Variants in SOX5 observed in about 807,000 individuals in gnomAD.
SOX5 encodes SRY-box transcription factor 5.
Under a neutral mutation model 92.0 loss-of-function variants are expected in SOX5, and 9 were observed. The observed-to-expected ratio is 0.10, with a 90% CI of 0.06 to 0.17. The LOEUF is 0.17. Among genes scored for constraint, SOX5 ranks in the 10% least tolerant of loss-of-function variants. SOX5 has a pLI of 1.00. For synonymous variants in SOX5, 344 were observed against 336.3 expected (o/e 1.02, Z -0.25); for missense variants, 642 against 944.5 (o/e 0.68, Z 4.20).
chr12:23,659,992 AC>A (rs2082826968), intron 7 of SOX5, among the ~76,000 whole-genome samples: 1 of 151,998 alleles, frequency 6.6e-6, no homozygotes, highest in African/African-American at 2.4e-5. Context: ...AAAGTTTAAA[AC>A]TTGGTGATTA....
At chr12:24,326,213 C>G (rs1025263289) in intron 2 of SOX5, among the ~76,000 whole-genome samples, 3 of 152,112 alleles carry the variant, frequency 2.0e-5, no homozygotes, top group Non-Finnish European at 2.9e-5. Context: ...AAGAAAAATC[C>G]TCCATCATAT....
intron 2 of SOX5, among the ~76,000 whole-genome samples, chr12:23,892,496 G>A (rs2097138838): frequency 6.6e-6 from 1 of 152,158 alleles, no homozygotes; most frequent in African/African-American, 2.4e-5. Context: ...TAAATCCTAT[G>A]TGCAACAGAG....
chr12:23,734,319 T>C (rs554163580), intron 6 of SOX5, among the ~76,000 whole-genome samples: 3 of 152,328 alleles, frequency 2.0e-5, no homozygotes, highest in Non-Finnish European at 2.9e-5. Context: ...CTGGTACTAC[T>C]TCTCTAACTG....
intron 6 of SOX5, among the ~76,000 whole-genome samples, chr12:23,683,899 C>T (rs1471900159): frequency 6.6e-6 from 1 of 151,582 alleles, no homozygotes; most frequent in East Asian, 1.9e-4. Flanking sequence ...TTCAGACAAG[C>T]CCATAGAGTT....
At chr12:24,137,019 G>A (rs1350273304) in intron 4 of SOX5, among the ~76,000 whole-genome samples, 1 of 152,136 alleles carries the variant, frequency 6.6e-6, no homozygotes, top group Non-Finnish European at 1.5e-5. Context: ...TAAAGGTCTG[G>A]AACTTTAAAG....
chr12:24,473,394 C>T (rs550582300), intron 1 of SOX5, among the ~76,000 whole-genome samples: 1 of 152,272 alleles, frequency 6.6e-6, no homozygotes, highest in East Asian at 1.9e-4. Flanking sequence ...CTCACGGGAG[C>T]GGGTGCAAGC....
intron 1 of SOX5, among the ~76,000 whole-genome samples, chr12:24,546,798 T>C (rs1233740452): frequency 2.0e-5 from 3 of 152,172 alleles, no homozygotes; most frequent in African/African-American, 7.2e-5. Context: ...AGTAATAAAA[T>C]GGTCCTTGCA....
intron 1 of SOX5, among the ~76,000 whole-genome samples, chr12:24,536,745 A>G (rs1951675493): frequency 6.6e-6 from 1 of 152,192 alleles, no homozygotes; most frequent in African/African-American, 2.4e-5. Flanking sequence ...TAAGCTTTGT[A>G]ATCTGTGATT....
intron 2 of SOX5, among the ~76,000 whole-genome samples, chr12:24,326,350 A>C (rs1950677188): frequency 6.6e-6 from 1 of 152,074 alleles, no homozygotes; most frequent in South Asian, 2.1e-4. Flanking sequence ...TATGGTAGCA[A>C]ATCCTTCCTA....
intron 1 of SOX5, among the ~76,000 whole-genome samples, chr12:24,513,293 T>TG (rs1265962174): frequency 6.6e-6 from 1 of 152,246 alleles, no homozygotes; most frequent in Non-Finnish European, 1.5e-5. Context: ...GATGGGCTTA[T>TG]GGGGAAATAA....
intron 4 of SOX5, among the ~76,000 whole-genome samples, chr12:24,117,949 G>T (rs1379056742): frequency 6.7e-6 from 1 of 149,706 alleles, no homozygotes; most frequent in Non-Finnish European, 1.5e-5. Flanking sequence ...AACCTGGGAG[G>T]CAGAGGTTGC....
intron 1 of SOX5, among the ~76,000 whole-genome samples, chr12:24,513,518 C>T (rs1949511113): frequency 6.6e-6 from 1 of 152,188 alleles, no homozygotes; most frequent in South Asian, 2.1e-4. Context: ...CTCCAAGGTA[C>T]ACTATTCTTT....
At chr12:23,662,853 A>G (rs2083254111) in intron 7 of SOX5, among the ~76,000 whole-genome samples, 1 of 152,246 alleles carries the variant, frequency 6.6e-6, no homozygotes, top group African/African-American at 2.4e-5. Flanking sequence ...TGTATTTTTT[A>G]TAACAACAAA....
Position 24,506,978 on chromosome 12 carries a change from G to T in SOX5, c.-251+55351C>A, listed in dbSNP as rs540580387. Among the ~76,000 whole-genome samples, 11 of 151,672 alleles carry T rather than the reference G, an allele frequency of 7.3e-5. No homozygotes were observed. The East Asian group carries it at 1.6e-3, about 22-fold the overall frequency. ...GCTAATTTTTTGTATTTTTAGTAGA[G>T]ACGGGGTTTCACCTTGTTAGCCAGG... is the stretch of plus-strand genomic sequence containing the variant. On this transcript the variant is annotated intron_variant, in intron 1 of 4. Transcript: ENST00000446891.
At chr12:24,278,376 T>C (rs942562579) in intron 2 of SOX5, among the ~76,000 whole-genome samples, 2 of 152,092 alleles carry the variant, frequency 1.3e-5, no homozygotes, top group Non-Finnish European at 2.9e-5. Flanking sequence ...ACTCATTACT[T>C]CATTGAAGAA....
chr12:24,521,884 T>G (rs562519566), intron 1 of SOX5, among the ~76,000 whole-genome samples: 1 of 151,676 alleles, frequency 6.6e-6, no homozygotes, highest in Non-Finnish European at 1.5e-5. Flanking sequence ...AACAATCTAA[T>G]TGATACCTCC....
At chr12:23,847,704 A>G (rs2096590317) in intron 2 of SOX5, among the ~76,000 whole-genome samples, 1 of 152,130 alleles carries the variant, frequency 6.6e-6, no homozygotes, top group African/African-American at 2.4e-5. Context: ...GAATCTTCCA[A>G]ATTATAATTC....
chr12:24,272,207 C>T (rs1372624494), intron 3 of SOX5, among the ~76,000 whole-genome samples: 1 of 152,100 alleles, frequency 6.6e-6, no homozygotes, highest in Non-Finnish European at 1.5e-5. Context: ...TTGTGCATCT[C>T]TTATTACCAG....
chr12:23,670,312 C>T lies in SOX5; in HGVS notation c.811-4748G>A, dbSNP rs867839617. 2.6e-5 allele frequency among the ~76,000 whole-genome samples: 4 copies of T among 151,900 alleles called. 1 individual carries two copies. Among genetic ancestry groups the T allele is most frequent in the South Asian group, 4.2e-4 (2 of 4,800 alleles). On this transcript the variant is annotated intron_variant, in intron 6 of 14. Coordinates refer to ENST00000451604, the MANE Select transcript of SOX5 (RefSeq NM_006940.6). Reference sequence around the variant, plus strand: ...AGGGTGAGGACTGAATGACAGGCAACGAAAAGGAGAAAGCAAATGTAGACT... The same window carrying T: ...AGGGTGAGGACTGAATGACAGGCAATGAAAAGGAGAAAGCAAATGTAGACT...
Sources: gnomAD v4.1 joint callset for allele counts (sites outside exome capture counted in the v4.1 genomes callset) on GRCh38, gnomAD v4.1.1 for gene constraint, MANE v1.5 for transcripts, NCBI Gene and HGNC (gene_info 2026-07-23, HGNC 2026-07-21) for gene names.